The following WTAP variants were observed in gnomAD, a reference collection of about 807,000 sequenced individuals.
The protein encoded by WTAP is pre-mRNA-splicing regulator WTAP.
In WTAP, 8 loss-of-function variants were observed where a neutral mutation model predicts 50.0. The ratio of observed to expected loss-of-function variants is 0.16; its 90% CI spans 0.09 to 0.29. The LOEUF (loss-of-function observed/expected upper bound fraction) is 0.29, where lower values mean the gene tolerates loss of function less well. Ranked by LOEUF, WTAP falls within the 10% of genes least tolerant of loss-of-function variation. The pLI, the probability that WTAP is intolerant of heterozygous loss-of-function variation, is 1.00. For synonymous variants in WTAP, 194 were observed against 169.0 expected (o/e 1.15, Z -1.15); for missense variants, 295 against 470.7 (o/e 0.63, Z 3.45).
At chr6:159,727,404 G>T, upstream of WTAP, 1 of 1,219,146 alleles carries the variant, frequency 8.2e-7, no homozygotes, top group Non-Finnish European at 1.1e-6. Context: ...GAGGCGGGAG[G>T]CAGTGGCGCT....
At chr6:159,747,762 AAATAT>A (rs1298564996) in intron 5 of WTAP, among the ~76,000 whole-genome samples, 1 of 152,210 alleles carries the variant, frequency 6.6e-6, no homozygotes, top group African/African-American at 2.4e-5. Flanking sequence ...CATTTTTAGT[AAATAT>A]AATGTTGATT....
chr6:159,745,881 A>G (rs919579412), intron 5 of WTAP, among the ~76,000 whole-genome samples: 57 of 152,216 alleles, frequency 3.7e-4, no homozygotes, highest in African/African-American at 1.4e-3. Flanking sequence ...AGGCACAATC[A>G]ATAGGACTTG....
In WTAP at chr6:159,755,537, A is replaced by G; in HGVS notation, c.1117A>G (p.Asn373Asp). 6.2e-7 allele frequency: 1 copy of G among 1,614,188 alleles called. No homozygotes were observed. The highest frequency in any genetic ancestry group is 8.5e-7 in the Non-Finnish European group (1 of 1,180,036). The change falls in exon 8 of 8, where the codon AAT (asparagine) becomes GAT (aspartate). Residue 373 changes from asparagine (N) to aspartate (D), a missense_variant. Transcript: ENST00000621533. ...GGAGAAAGCAGTGAGTGGGAAAGGT[A>G]ATCGAACTGTGGGTTCCCGCCACGT... ...QEEKAVSGKG[N>D]RTVGSRHVQN...
Position 159,755,760 on chromosome 6 carries a change from C to CTTTTTT in WTAP, c.*153_*154insTTTTTT, listed in dbSNP as rs1779984995. 7.0e-6 allele frequency: 2 copies of CTTTTTT among 283,698 alleles called. No homozygotes were observed. Among genetic ancestry groups the CTTTTTT allele is most frequent in the Non-Finnish European group, 9.4e-6 (2 of 212,334 alleles). 17.6% of individuals were successfully genotyped at this position (283,698 alleles called of 1,614,324 possible). A position where few individuals can be genotyped will look rare whatever the true frequency, so the allele number is the denominator to read the frequency against. ...TGTTTTTTTTCTTTGTTTTTTTTTT[C>CTTTTTT]TTTTCTTTTTTTTTTTTTTTTTTTT... is the stretch of plus-strand genomic sequence containing the variant. On this transcript the variant is annotated 3_prime_UTR_variant, in exon 8 of 8. Transcript: ENST00000621533.
At chr6:159,734,086 G>A (rs1047916599) in intron 1 of WTAP, among the ~76,000 whole-genome samples, 8 of 152,176 alleles carry the variant, frequency 5.3e-5, no homozygotes, top group African/African-American at 1.2e-4. Context: ...GAGATTGTAC[G>A]TAGTATAAAA....
chr6:159,749,882 A>G (rs925129315), intron 6 of WTAP, among the ~76,000 whole-genome samples: 25 of 152,214 alleles, frequency 1.6e-4, no homozygotes, highest in African/African-American at 5.8e-4. Flanking sequence ...TAAGTCACCA[A>G]TTCAAATTTT....
At chr6:159,750,843 T>TCC (rs1554265398) in intron 6 of WTAP, among the ~76,000 whole-genome samples, 1 of 65,694 alleles carries the variant, frequency 1.5e-5, no homozygotes, top group Non-Finnish European at 3.9e-5. Context: ...GCTCAGGCAA[T>TCC]CCCGTCTGGA....
rs532937782 is a variant in WTAP at position 159,733,147 on chromosome 6, G to T, written c.-8-3111G>T. Among the ~76,000 whole-genome samples the T allele has an allele frequency of 4.6e-5, 7 of 150,928 alleles. 1 individual carries two copies. The South Asian group carries it at 1.5e-3, about 32-fold the overall frequency. Reference sequence around the variant, plus strand: ...AATGGCAGCAGAGATAATAAACTGGGCAACAAGGGAGGAACCAATTTAAAG... The same window carrying T: ...AATGGCAGCAGAGATAATAAACTGGTCAACAAGGGAGGAACCAATTTAAAG... On this transcript the variant is annotated intron_variant, in intron 1 of 7. Coordinates refer to ENST00000621533, the MANE Select transcript of WTAP (RefSeq NM_001270531.2).
intron 6 of WTAP, among the ~76,000 whole-genome samples, chr6:159,749,894 G>A (rs1274505974): frequency 6.6e-6 from 1 of 152,032 alleles, no homozygotes; most frequent in African/African-American, 2.4e-5. Context: ...TCAAATTTTC[G>A]CTTGGTGATA....
chr6:159,727,752 C>T (rs1051159294), intron 1 of WTAP, 49 bp downstream of exon 1: 3 of 982,772 alleles, frequency 3.1e-6, no homozygotes, highest in Admixed American at 6.1e-5. Context: ...CCTCCGGGGC[C>T]TGAGGGCTGA....
intron 6 of WTAP, among the ~76,000 whole-genome samples, chr6:159,751,717 A>G (rs1779827798): frequency 1.3e-5 from 2 of 152,202 alleles, no homozygotes; most frequent in African/African-American, 4.8e-5. Flanking sequence ...CTCTTCAGGT[A>G]TTTTCTGGAA....
At chr6:159,734,180 G>T (rs1226028646) in intron 1 of WTAP, among the ~76,000 whole-genome samples, 3 of 152,018 alleles carry the variant, frequency 2.0e-5, no homozygotes, top group Non-Finnish European at 1.5e-5. Context: ...TGTGTGTTTT[G>T]TTTGTTTGTT....
intron 1 of WTAP, among the ~76,000 whole-genome samples, chr6:159,733,830 T>C (rs1341556660): frequency 1.3e-5 from 2 of 151,894 alleles, no homozygotes; most frequent in Non-Finnish European, 2.9e-5. Flanking sequence ...GCAGGAGAAT[T>C]GCTTGAACCC....
At chr6:159,729,272 A>G (rs1778418887) in intron 1 of WTAP, among the ~76,000 whole-genome samples, 1 of 152,222 alleles carries the variant, frequency 6.6e-6, no homozygotes, top group Non-Finnish European at 1.5e-5. Context: ...CCTTCAGCAA[A>G]AGAAGACTGA....
chr6:159,741,740 C>T, intron 3 of WTAP: 1 of 181,768 alleles, frequency 5.5e-6, no homozygotes, highest in Middle Eastern at 2.5e-3. Flanking sequence ...GTAATTTCAG[C>T]AGTTTGGGAG....
At chr6:159,738,886 T>C (rs1779076549) in intron 2 of WTAP, 104 bp from the exon 3 acceptor site, 3 of 829,348 alleles carry the variant, frequency 3.6e-6, no homozygotes, top group Non-Finnish European at 5.7e-6. Context: ...TAATATGTAC[T>C]GAGCCGTTTA....
rs763319471 is a variant in WTAP at position 159,742,147 on chromosome 6, GTAAGTT to G, written c.145+3_145+8del. 10 of 1,601,264 alleles carry G rather than the reference GTAAGTT, an allele frequency of 6.2e-6. No homozygotes were observed. Among genetic ancestry groups the G allele is most frequent in the Non-Finnish European group, 8.5e-6 (10 of 1,175,496 alleles). On this transcript the variant is annotated splice_donor_variant and splice_donor_5th_base_variant and intron_variant, in intron 4 of 7. Coordinates refer to ENST00000621533, the MANE Select transcript of WTAP (RefSeq NM_001270531.2). LOFTEE classifies it high-confidence loss of function. ...GAGGGCAAGTACACAGATCTTAACT[GTAAGTT>G]TGAGTTTTAGCTTCCTAAAGACTGA...
rs3736831 is a variant in WTAP, at chr6:159,743,765, C to T, written c.246C>T (p.Thr82=). ...RENILVMRLA[T]KEQEMQECTT... The stretch of plus-strand genomic sequence containing the variant: ...ACATCCTTGTAATGCGACTAGCAAC[C>T]AAGGAACAAGAGATGCAAGAGTGTA... The change falls in exon 5 of 8, where the codon ACC becomes ACT. Residue 82 remains threonine, a synonymous_variant. Coordinates refer to ENST00000621533, the MANE Select transcript of WTAP (RefSeq NM_001270531.2). The T allele has an allele frequency of 1.2e-5, 20 of 1,612,438 alleles. No individual in the cohort carries two copies. In the East Asian group the frequency reaches 4.5e-4, roughly 36 times the overall value.
intron 1 of WTAP, among the ~76,000 whole-genome samples, chr6:159,735,808 A>G (rs2114894763): frequency 6.6e-6 from 1 of 152,258 alleles, no homozygotes; most frequent in Admixed American, 6.5e-5. Context: ...GTAGTAAATT[A>G]TGGCTGTGGT....
Sources: allele counts gnomAD v4.1 joint callset (sites outside exome capture counted in the v4.1 genomes callset), GRCh38; gene constraint gnomAD v4.1.1; transcripts MANE v1.5; gene names NCBI Gene and HGNC (gene_info 2026-07-23, HGNC 2026-07-21).